Variants in DGKG observed in about 807,000 individuals in gnomAD.
The protein encoded by DGKG is diacylglycerol kinase gamma.
DGKG carries 78 observed loss-of-function variants against 105.3 expected under a neutral mutation model. The observed-to-expected ratio is 0.74, with a 90% CI of 0.62 to 0.89. DGKG has a LOEUF of 0.89. DGKG is among the 40% of genes least tolerant of loss of function. The pLI is 0.00. For synonymous variants in DGKG, 346 were observed against 367.1 expected (o/e 0.94, Z 0.66); for missense variants, 958 against 1,020.1 (o/e 0.94, Z 0.83).
In DGKG at chr3:186,320,705, T is replaced by G; in HGVS notation, c.-246A>C. The stretch of plus-strand genomic sequence containing the variant: ...AAGGTAAATTCAGAAGTCCTGGCTC[T>G]TCCTAGATAGAAGCAGAAAAGACAT... On this transcript the variant is annotated splice_region_variant and 5_prime_UTR_variant, in exon 2 of 25. Coordinates refer to ENST00000265022, the MANE Select transcript of DGKG (RefSeq NM_001346.3). The G allele has an allele frequency of 2.2e-6, 1 of 454,308 alleles. No individual in the cohort carries two copies. Among genetic ancestry groups the G allele is most frequent in the Non-Finnish European group, 3.8e-6 (1 of 265,814 alleles). The allele number at this position is 454,308 out of a possible 1,614,324, so 28.1% of individuals were successfully genotyped here.
chr3:186,282,731 G>A (rs1287332897), intron 7 of DGKG, among the ~76,000 whole-genome samples: 2 of 152,044 alleles, frequency 1.3e-5, no homozygotes, highest in African/African-American at 2.4e-5. Context: ...GGCTAGGCTG[G>A]TCTCAAACTC....
intron 1 of DGKG, among the ~76,000 whole-genome samples, chr3:186,345,078 G>T (rs1351269356): frequency 6.6e-6 from 1 of 152,102 alleles, no homozygotes; most frequent in Admixed American, 6.5e-5. Flanking sequence ...AATATTAATT[G>T]ATGTACATAT....
chr3:186,233,562 C>T (rs1182751369), intron 20 of DGKG, among the ~76,000 whole-genome samples: 1 of 152,200 alleles, frequency 6.6e-6, no homozygotes, highest in Admixed American at 6.5e-5. Context: ...TCACTGCAAG[C>T]TCCGCCTCCC....
At chr3:186,289,264 G>A (rs995390182) in intron 5 of DGKG, among the ~76,000 whole-genome samples, 1 of 152,052 alleles carries the variant, frequency 6.6e-6, no homozygotes, top group Non-Finnish European at 1.5e-5. Context: ...ATGGTAAATG[G>A]CCAACAGTCA....
chr3:186,184,963 T>C (rs1310015745), intron 22 of DGKG, among the ~76,000 whole-genome samples: 1 of 152,168 alleles, frequency 6.6e-6, no homozygotes, highest in African/African-American at 2.4e-5. Context: ...AGAGTCCACA[T>C]AGACCAAAAT....
intron 21 of DGKG, among the ~76,000 whole-genome samples, chr3:186,194,566 G>T (rs1439179584): frequency 6.6e-6 from 1 of 152,096 alleles, no homozygotes; most frequent in Non-Finnish European, 1.5e-5. Context: ...TTCTAACCTC[G>T]ATTCACCGTG....
At chr3:186,182,604 T>C (rs1215353325) in intron 22 of DGKG, among the ~76,000 whole-genome samples, 1 of 152,212 alleles carries the variant, frequency 6.6e-6, no homozygotes, top group Non-Finnish European at 1.5e-5. Flanking sequence ...AATTACCTAT[T>C]TGAAAATGGC....
In DGKG at chr3:186,310,427, A is replaced by C. The variant is rs141435685; in HGVS notation, c.68-3450T>G. 8.5e-3 allele frequency among the ~76,000 whole-genome samples: 1,293 copies of C among 152,272 alleles called. 17 individuals are homozygous for C. The highest frequency in any genetic ancestry group is 0.029 in the African/African-American group (1,224 of 41,544). The stretch of plus-strand genomic sequence containing the variant: ...TCAATACCCTTTAAAAAAGGGAATC[A>C]ACTTAATTCTCAAATTTGGGACACA... On this transcript the variant is annotated intron_variant, in intron 2 of 24. Transcript: ENST00000265022.
intron 24 of DGKG, chr3:186,160,315 G>A: frequency 3.0e-6 from 3 of 985,358 alleles, no homozygotes; most frequent in Non-Finnish European, 3.6e-6. Flanking sequence ...AGGTAGGAGA[G>A]GGTTTGATTT....
At chr3:186,301,146 C>T (rs1041683267) in intron 3 of DGKG, among the ~76,000 whole-genome samples, 3 of 152,180 alleles carry the variant, frequency 2.0e-5, no homozygotes, top group Non-Finnish European at 4.4e-5. Context: ...GTCCATTGTC[C>T]CTGCTGCCAT....
intron 21 of DGKG, among the ~76,000 whole-genome samples, chr3:186,202,885 C>T (rs1217191560): frequency 6.6e-6 from 1 of 152,152 alleles, no homozygotes; most frequent in Non-Finnish European, 1.5e-5. Context: ...TTAAAAGTTA[C>T]TTCTAAGTCC....
chr3:186,296,638 C>T (rs533873809), intron 5 of DGKG, among the ~76,000 whole-genome samples: 14 of 152,344 alleles, frequency 9.2e-5, no homozygotes, highest in African/African-American at 3.4e-4. Flanking sequence ...CAGCCTTGCT[C>T]ATTCCACAGG....
chr3:186,302,486 A>ATG, intron 3 of DGKG, among the ~76,000 whole-genome samples: 1 of 10,258 alleles, frequency 9.7e-5, no homozygotes, highest in East Asian at 1.1e-3. Context: ...ATATATATAT[A>ATG]TATATATATA....
intron 2 of DGKG, among the ~76,000 whole-genome samples, chr3:186,309,693 C>A (rs1323973142): frequency 6.6e-6 from 1 of 152,116 alleles, no homozygotes; most frequent in Non-Finnish European, 1.5e-5. Context: ...GTAGAGTTAG[C>A]ATTTTGATTG....
chr3:186,183,853 C>T lies in DGKG; in HGVS notation c.2095+4349G>A, dbSNP rs565346722. On this transcript the variant is annotated intron_variant, in intron 22 of 24. Transcript: ENST00000265022. The stretch of plus-strand genomic sequence containing the variant: ...CTGAGTAGCTGGGATTACTGGCATG[C>T]GCCACCACACCCGGCTAATTTTGTA... 7.9e-5 allele frequency among the ~76,000 whole-genome samples: 12 copies of T among 152,122 alleles called. No homozygotes were observed. The East Asian group carries it at 1.5e-3, about 20-fold the overall frequency.
At chr3:186,245,725 C>T (rs1720907584) in intron 19 of DGKG, among the ~76,000 whole-genome samples, 2 of 152,150 alleles carry the variant, frequency 1.3e-5, no homozygotes. Context: ...TGAACTACAA[C>T]TCCAAGCACA....
intron 5 of DGKG, among the ~76,000 whole-genome samples, chr3:186,297,068 T>TCACACACACACACACA (rs55826465): frequency 0.021 from 2,759 of 130,332 alleles, 39 homozygotes; most frequent in Middle Eastern, 0.026. Context: ...TCTGTCTCTC[T>TCACACACACACACACA]CACACACACA....
At chr3:186,193,808 C>A (rs966638635) in intron 21 of DGKG, among the ~76,000 whole-genome samples, 3 of 152,264 alleles carry the variant, frequency 2.0e-5, no homozygotes, top group Admixed American at 6.5e-5. Flanking sequence ...CCCGCGCGGC[C>A]CCAGCGTGGC....
chr3:186,314,173 GCA>G (rs3221277), intron 2 of DGKG, among the ~76,000 whole-genome samples: 15,800 of 139,138 alleles, frequency 0.11, 909 homozygotes, highest in African/African-American at 0.16. Context: ...ATACATATCT[GCA>G]CACACACACA....
Sources: gnomAD v4.1 joint callset for allele counts (sites outside exome capture counted in the v4.1 genomes callset) on GRCh38, gnomAD v4.1.1 for gene constraint, MANE v1.5 for transcripts, NCBI Gene and HGNC (gene_info 2026-07-23, HGNC 2026-07-21) for gene names.